The following MBNL2 variants were observed in gnomAD, a reference collection of about 807,000 sequenced individuals.
MBNL2 encodes the protein muscleblind like splicing regulator 2.
In MBNL2, 17 loss-of-function variants were observed where a neutral mutation model predicts 41.9. That is an observed-to-expected ratio of 0.41 (90% CI 0.28 to 0.61). The LOEUF (loss-of-function observed/expected upper bound fraction) is 0.61, where lower values mean the gene tolerates loss of function less well. MBNL2 is among the 20% of genes least tolerant of loss of function. The pLI is 0.35. For synonymous variants in MBNL2, 195 were observed against 182.9 expected, an observed-to-expected ratio of 1.07 and a Z score of -0.53; for missense variants, 336 against 505.6, an observed-to-expected ratio of 0.66 and a Z score of 3.22.
intron 3 of MBNL2, among the ~76,000 whole-genome samples, chr13:97,338,882 G>A (rs1432439154): frequency 6.6e-6 from 1 of 152,138 alleles, no homozygotes; most frequent in East Asian, 1.9e-4. Context: ...TGGGACGACG[G>A]CATTCTCGCC....
At chr13:97,279,877 T>C (rs1023817368) in intron 2 of MBNL2, among the ~76,000 whole-genome samples, 1 of 152,222 alleles carries the variant, frequency 6.6e-6, no homozygotes, top group Non-Finnish European at 1.5e-5. Context: ...AGAAGACATT[T>C]TGGAAAATAT....
chr13:97,261,590 C>T (rs1376409366), intron 1 of MBNL2, among the ~76,000 whole-genome samples: 2 of 152,210 alleles, frequency 1.3e-5, no homozygotes, highest in East Asian at 3.9e-4. Flanking sequence ...CGCTCTTTCG[C>T]TGAAGTTGTG....
intron 2 of MBNL2, among the ~76,000 whole-genome samples, chr13:97,278,880 G>C (rs1302284482): frequency 6.6e-6 from 1 of 152,154 alleles, no homozygotes; most frequent in Non-Finnish European, 1.5e-5. Flanking sequence ...GAGTAAAATA[G>C]ACCTGAGTCT....
chr13:97,247,022 G>T (rs989619560), intron 1 of MBNL2, among the ~76,000 whole-genome samples: 3 of 152,254 alleles, frequency 2.0e-5, no homozygotes, highest in East Asian at 3.9e-4. Context: ...TTCTTATTGT[G>T]CAGGCTGACA....
chr13:97,320,329 G>A lies in MBNL2; in HGVS notation c.175-13947G>A, dbSNP rs374072463. On this transcript the variant is annotated intron_variant, in intron 2 of 8. Transcript: ENST00000679496. ...GGCTGCAGTGCAATGGTGCGATCTC[G>A]GCTCACTGCAACCTCCGCCTCCCGG... Among the ~76,000 whole-genome samples the A allele has an allele frequency of 6.7e-5, 10 of 149,774 alleles. No homozygotes were observed. In the East Asian group the frequency reaches 1.6e-3, roughly 24 times the overall value.
intron 1 of MBNL2, among the ~76,000 whole-genome samples, chr13:97,239,048 G>C (rs1382265159): frequency 6.6e-6 from 1 of 152,210 alleles, no homozygotes; most frequent in Admixed American, 6.5e-5. Context: ...GTTTCGGAGA[G>C]GGCTCAAGAT....
Position 97,300,114 on chromosome 13 carries a change from G to A in MBNL2, c.174+23705G>A, listed in dbSNP as rs755574885. On this transcript the variant is annotated intron_variant, in intron 2 of 8. Transcript: ENST00000679496. Reference sequence around the variant, plus strand: ...AGCCGTAAAGGAAAGGAGAAAATGCGGGAGAGGACTATTCACTACCTTAAG... The same window carrying A: ...AGCCGTAAAGGAAAGGAGAAAATGCAGGAGAGGACTATTCACTACCTTAAG... Among the ~76,000 whole-genome samples the A allele has an allele frequency of 5.3e-5, 8 of 152,132 alleles. No individual in the cohort carries two copies. In the East Asian group the frequency reaches 5.8e-4, roughly 11 times the overall value.
At chr13:97,290,682 CAAAA>C (rs144219795) in intron 2 of MBNL2, among the ~76,000 whole-genome samples, 8 of 114,890 alleles carry the variant, frequency 7.0e-5, no homozygotes, top group Admixed American at 8.9e-5. Flanking sequence ...GACTCCGTCT[CAAAA>C]AAAAAAAAAA....
chr13:97,322,747 C>A (rs1434173311), intron 2 of MBNL2, among the ~76,000 whole-genome samples: 1 of 152,184 alleles, frequency 6.6e-6, no homozygotes, highest in African/African-American at 2.4e-5. Context: ...TCCATAGGCA[C>A]ACAACCCTTC....
At chr13:97,327,004 T>C (rs1052970857) in intron 2 of MBNL2, among the ~76,000 whole-genome samples, 1 of 152,156 alleles carries the variant, frequency 6.6e-6, no homozygotes, top group Non-Finnish European at 1.5e-5. Context: ...ACCACAGCCT[T>C]TATTGCTTCC....
chr13:97,219,287 C>T (rs2040665346), upstream of MBNL2, among the ~76,000 whole-genome samples: 1 of 152,160 alleles, frequency 6.6e-6, no homozygotes, highest in Non-Finnish European at 1.5e-5. Context: ...GTTCCCTGAA[C>T]AGACGGCCTC....
chr13:97,363,724 G>A (rs959985059), intron 7 of MBNL2, among the ~76,000 whole-genome samples: 12 of 152,142 alleles, frequency 7.9e-5, no homozygotes, highest in African/African-American at 2.9e-4. Flanking sequence ...TGATTGTGAA[G>A]ATGAGAGAAT....
rs61185219 is a variant in MBNL2, at chr13:97,374,063, A to ATTTTTTTTTTTTTTT, written c.1048+8907_1048+8921dup. Among the ~76,000 whole-genome samples, 111 of 63,100 alleles carry ATTTTTTTTTTTTTTT rather than the reference A, an allele frequency of 1.8e-3. 14 individuals are homozygous for ATTTTTTTTTTTTTTT. The highest frequency in any genetic ancestry group is 2.5e-3 in the Non-Finnish European group (81 of 32,504). The allele number at this position is 63,100 out of a possible 152,430, so 41.4% of individuals were successfully genotyped here. ...CACCTCAAATCCCATCCTCCTTTGC[A>ATTTTTTTTTTTTTTT]TTTTTTTTTTTTTTTTTTTTTTTTT... On this transcript the variant is annotated intron_variant, in intron 8 of 8. Transcript: ENST00000679496.
the MBNL2 span, among the ~76,000 whole-genome samples, chr13:97,186,073 C>T: frequency 6.6e-6 from 1 of 152,162 alleles, no homozygotes; most frequent in African/African-American, 2.4e-5. Flanking sequence ...ATAACTCAGC[C>T]CTTGTCTCTT....
At chr13:97,301,931 A>T (rs1313900322) in intron 2 of MBNL2, among the ~76,000 whole-genome samples, 2 of 152,168 alleles carry the variant, frequency 1.3e-5, no homozygotes, top group East Asian at 1.9e-4. Context: ...CAGAGCAGTA[A>T]GCTCTACTCC....
At chr13:97,201,586 CTG>C in the MBNL2 span, among the ~76,000 whole-genome samples, 3 of 152,100 alleles carry the variant, frequency 2.0e-5, no homozygotes, top group African/African-American at 7.2e-5. Flanking sequence ...TTAGAAAGCT[CTG>C]TCTACTAAAA....
At chr13:97,377,651 G>A (rs533159783) in intron 8 of MBNL2, among the ~76,000 whole-genome samples, 73 of 152,122 alleles carry the variant, frequency 4.8e-4, no homozygotes, top group Non-Finnish European at 7.6e-4. Flanking sequence ...CCAGAGAACC[G>A]CTTTAGCTTA....
chr13:97,339,406 C>T (rs1489937135), intron 3 of MBNL2, among the ~76,000 whole-genome samples: 1 of 152,044 alleles, frequency 6.6e-6, no homozygotes, highest in Non-Finnish European at 1.5e-5. Context: ...AATCGCAAGA[C>T]CAGCATTTCA....
chr13:97,232,827 G>A (rs1033940548), intron 1 of MBNL2, among the ~76,000 whole-genome samples: 13 of 145,330 alleles, frequency 8.9e-5, no homozygotes, highest in Non-Finnish European at 1.3e-4. Context: ...ATTATTTGTC[G>A]GCCTTTTTCT....
Sources: gnomAD v4.1 joint callset for allele counts (sites outside exome capture counted in the v4.1 genomes callset) on GRCh38, gnomAD v4.1.1 for gene constraint, MANE v1.5 for transcripts, NCBI Gene and HGNC (gene_info 2026-07-23, HGNC 2026-07-21) for gene names.